Variants in ESR1 observed in about 807,000 individuals in gnomAD.
ESR1 encodes the protein estrogen receptor.
A neutral mutation model predicts 52.7 loss-of-function variants in ESR1; 12 were observed. The observed-to-expected ratio is 0.23, with a 90% CI of 0.15 to 0.37. ESR1 has a LOEUF of 0.37. ESR1 is among the 10% of genes least tolerant of loss of function. The probability of loss-of-function intolerance (pLI) is 1.00; values close to 1 mark genes in which losing one functional copy is unlikely to be tolerated. For synonymous variants in ESR1, 305 were observed against 316.8 expected (o/e 0.96, Z 0.39); for missense variants, 584 against 779.7 (o/e 0.75, Z 2.99).
chr6:151,806,422 T>C (rs1457432767), upstream of ESR1, among the ~76,000 whole-genome samples: 2 of 151,616 alleles, frequency 1.3e-5, no homozygotes, highest in African/African-American at 4.8e-5. Flanking sequence ...TATTGATAGT[T>C]GTATCAGAGT....
At chr6:151,742,280 G>C (rs1012283314) in intron 2 of ESR1, among the ~76,000 whole-genome samples, 4 of 152,068 alleles carry the variant, frequency 2.6e-5, no homozygotes, top group Admixed American at 2.6e-4. Flanking sequence ...TTCAGAAGAG[G>C]GTTTTCTGGA....
intron 2 of ESR1, among the ~76,000 whole-genome samples, chr6:151,707,476 C>T (rs1421996225): frequency 6.6e-6 from 1 of 151,722 alleles, no homozygotes; most frequent in African/African-American, 2.4e-5. Context: ...TGTATATATA[C>T]ACATTATATG....
At chr6:152,125,323 G>A in exon 7 of ESR1, 2 of 1,550,342 alleles carry the variant, frequency 1.3e-6, no homozygotes. Context: ...AAAATATTTG[G>A]AAACAAGTGG....
chr6:152,114,513 A>G (rs1348412855), intron 6 of ESR1, among the ~76,000 whole-genome samples: 1 of 152,152 alleles, frequency 6.6e-6, no homozygotes, highest in Non-Finnish European at 1.5e-5. Flanking sequence ...ACCTAGAGCA[A>G]AGTCATCCAT....
rs150869164 is a variant in ESR1 at position 151,855,199 on chromosome 6, C to A, written c.643+12412C>A. Among the ~76,000 whole-genome samples, 274 of 152,334 alleles carry A rather than the reference C, an allele frequency of 1.8e-3. 2 individuals carry two copies. Among genetic ancestry groups the A allele is most frequent in the African/African-American group, 6.4e-3 (265 of 41,580 alleles). ...AAAGTGCTGGGATTACAGGCGTGAG[C>A]CACTGTGCCTGGCTCGTTTTAAAAT... On this transcript the variant is annotated intron_variant, in intron 2 of 7. Coordinates refer to ENST00000206249, the MANE Select transcript of ESR1 (RefSeq NM_000125.4).
intron 3 of ESR1, among the ~76,000 whole-genome samples, chr6:151,923,073 C>T (rs2032011051): frequency 6.6e-6 from 1 of 152,164 alleles, no homozygotes; most frequent in Non-Finnish European, 1.5e-5. Flanking sequence ...AATTGTTAAT[C>T]TGTACTCATG....
At chr6:151,841,190 T>C (rs552612543) in intron 1 of ESR1, among the ~76,000 whole-genome samples, 10 of 152,312 alleles carry the variant, frequency 6.6e-5, no homozygotes, top group African/African-American at 2.4e-4. Context: ...GCCCATGCCC[T>C]TCAGTCTACA....
At chr6:151,952,231 A>G (rs1220902447) in intron 4 of ESR1, among the ~76,000 whole-genome samples, 1 of 152,228 alleles carries the variant, frequency 6.6e-6, no homozygotes, top group Non-Finnish European at 1.5e-5. Context: ...TATCCCCTAA[A>G]GTTTAAAATG....
chr6:151,788,753 G>A (rs1397964447), intron 2 of ESR1, among the ~76,000 whole-genome samples: 2 of 152,162 alleles, frequency 1.3e-5, no homozygotes, highest in African/African-American at 4.8e-5. Context: ...ACATATACAT[G>A]ATAGAATACT....
intron 3 of ESR1, among the ~76,000 whole-genome samples, chr6:151,904,305 CTTA>C (rs1293268866): frequency 6.6e-6 from 1 of 152,062 alleles, no homozygotes; most frequent in Admixed American, 6.5e-5. Context: ...GTAAGATTCC[CTTA>C]TTATTGAGAT....
intron 2 of ESR1, among the ~76,000 whole-genome samples, chr6:151,847,619 C>A (rs1785365952): frequency 7.4e-6 from 1 of 135,106 alleles, no homozygotes; most frequent in Non-Finnish European, 1.6e-5. Context: ...TGTTTGAGTT[C>A]ATTGTAGATT....
At chr6:151,856,980 G>C (rs1161722845) in intron 2 of ESR1, among the ~76,000 whole-genome samples, 1 of 152,014 alleles carries the variant, frequency 6.6e-6, no homozygotes, top group Non-Finnish European at 1.5e-5. Context: ...ATGCTTTTTT[G>C]GTGGCTACTT....
At chr6:152,054,548 A>G (rs1261880646) in intron 5 of ESR1, among the ~76,000 whole-genome samples, 2 of 152,048 alleles carry the variant, frequency 1.3e-5, no homozygotes, top group African/African-American at 4.8e-5. Flanking sequence ...TAGTCACAAC[A>G]AAAGTGTTTA....
intron 4 of ESR1, 36 bp downstream of exon 4, chr6:151,944,544 G>A (rs2035479217): frequency 6.3e-7 from 1 of 1,580,154 alleles, no homozygotes; most frequent in African/African-American, 1.3e-5. Flanking sequence ...AGAGTCAATA[G>A]CTTTTCAAGA....
intron 2 of ESR1, among the ~76,000 whole-genome samples, chr6:151,747,322 G>A (rs1320894523): frequency 3.9e-5 from 6 of 152,176 alleles, no homozygotes; most frequent in African/African-American, 1.4e-4. Flanking sequence ...CACTGAATAA[G>A]CAGATGGGTT....
At chr6:151,789,941 G>A (rs532845745) in intron 2 of ESR1, among the ~76,000 whole-genome samples, 72 of 152,334 alleles carry the variant, frequency 4.7e-4, no homozygotes, top group Non-Finnish European at 9.0e-4. Flanking sequence ...GCTAAGGAAC[G>A]TTGGCGTGAG....
chr6:151,746,530 G>C (rs1446036225), intron 2 of ESR1, among the ~76,000 whole-genome samples: 1 of 152,120 alleles, frequency 6.6e-6, no homozygotes, highest in Non-Finnish European at 1.5e-5. Context: ...CAGGGAAAAG[G>C]CATCAATCAA....
At chr6:151,727,425 C>A (rs1583035423) in intron 2 of ESR1, among the ~76,000 whole-genome samples, 1 of 152,116 alleles carries the variant, frequency 6.6e-6, no homozygotes, top group Non-Finnish European at 1.5e-5. Context: ...TGATCTTGAA[C>A]TCCTGACGTC....
At chr6:151,752,162 A>G (rs1456748587) in intron 2 of ESR1, among the ~76,000 whole-genome samples, 1 of 152,238 alleles carries the variant, frequency 6.6e-6, no homozygotes, top group East Asian at 1.9e-4. Flanking sequence ...ATTTGCTAAA[A>G]GCAGCCATGT....
Sources: allele counts gnomAD v4.1 joint callset (sites outside exome capture counted in the v4.1 genomes callset), GRCh38; gene constraint gnomAD v4.1.1; transcripts MANE v1.5; gene names NCBI Gene and HGNC (gene_info 2026-07-23, HGNC 2026-07-21).